LHX1: variants seen among roughly 807,000 people sequenced by gnomAD.
The protein encoded by LHX1 is LIM homeobox 1.
LHX1 carries 9 observed loss-of-function variants against 34.1 expected under a neutral mutation model. The ratio of observed to expected loss-of-function variants is 0.26; its 90% CI spans 0.16 to 0.46. The LOEUF (loss-of-function observed/expected upper bound fraction) is 0.46. Among genes scored for constraint, LHX1 ranks in the 20% least tolerant of loss-of-function variants. The probability of loss-of-function intolerance (pLI) is 1.00; values close to 1 mark genes in which losing one functional copy is unlikely to be tolerated. For synonymous variants in LHX1, 254 were observed against 241.5 expected, an observed-to-expected ratio of 1.05 and a Z score of -0.48; for missense variants, 446 against 559.1, an observed-to-expected ratio of 0.80 and a Z score of 2.04.
At position 36,937,891 on chromosome 17, in the gene LHX1, G is replaced by A. The variant is rs1051008417; in HGVS notation, c.-307G>A. On this transcript the variant is annotated 5_prime_UTR_variant, in exon 1 of 5. Transcript: ENST00000614239. ...ACTCCTCCGCGGGCTCTGAGCAGAA[G>A]GGTCGCATTCTCTCCCGCCTGAGAC... 17 of 602,788 alleles carry A rather than the reference G, an allele frequency of 2.8e-5. No homozygotes were observed. The highest frequency in any genetic ancestry group is 9.3e-5 in the Admixed American group (4 of 43,200). 37.3% of individuals were successfully genotyped at this position (602,788 alleles called of 1,614,324 possible). A position where few individuals can be genotyped will look rare whatever the true frequency, so the allele number is the denominator to read the frequency against.
intron 3 of LHX1, 122 bp downstream of exon 3, chr17:36,941,009 G>T: frequency 7.0e-7 from 1 of 1,438,826 alleles, no homozygotes; most frequent in Non-Finnish European, 9.5e-7. Flanking sequence ...GAGGTGGGGT[G>T]CCTAGACACA....
chr17:36,939,260 G>A (rs1409711899), intron 1 of LHX1, among the ~76,000 whole-genome samples: 1 of 152,212 alleles, frequency 6.6e-6, no homozygotes, highest in Admixed American at 6.5e-5. Flanking sequence ...AGTCAACAGA[G>A]AAGAACGGGC....
rs546566090 is a variant in LHX1 at position 36,942,807 on chromosome 17, C to T, written c.897C>T (p.Gly299=). The T allele has an allele frequency of 3.1e-5, 48 of 1,551,442 alleles. No homozygotes were observed. The Middle Eastern group carries it at 5.2e-4, about 17-fold the overall frequency. ...PGGNYDFFPQ[G]PPSSQAQTPV... is the part of the protein sequence containing the mutation. ...GCAACTACGACTTCTTCCCGCAAGG[C>T]CCCCCGTCCTCGCAGGCCCAGACAC... Residue 299 remains glycine, a synonymous_variant, in exon 5 of 5, where the codon GGC becomes GGT. Coordinates refer to ENST00000614239, the MANE Select transcript of LHX1 (RefSeq NM_005568.5).
intron 1 of LHX1, chr17:36,939,983 A>C: frequency 1.8e-6 from 1 of 548,758 alleles, no homozygotes; most frequent in Admixed American, 3.2e-5. Flanking sequence ...TTCCTCTGGG[A>C]TAACGCTGGG....
chr17:36,940,341 C>G lies in LHX1; in HGVS notation c.222C>G (p.Asp74Glu). The change falls in exon 2 of 5, where the codon GAC becomes GAG. Residue 74 changes from aspartate (D) to glutamate (E), a missense_variant. This residue lies in a region of LHX1 where 168 missense variants were observed against 226.6 expected (regional missense o/e 0.74). Coordinates refer to ENST00000614239, the MANE Select transcript of LHX1 (RefSeq NM_005568.5). ...GCGCTCAGGGCATCTCCCCTAGCGACCTGGTGCGGAGAGCGCGGAGCAAAG... is the reference window on the plus strand; with the variant it reads ...GCGCTCAGGGCATCTCCCCTAGCGAGCTGGTGCGGAGAGCGCGGAGCAAAG... ...AGCAQGISPS[D>E]LVRRARSKVF... 1 of 1,588,966 alleles carries G rather than the reference C, an allele frequency of 6.3e-7. No homozygotes were observed. The highest frequency in any genetic ancestry group is 8.6e-7 in the Non-Finnish European group (1 of 1,166,034).
upstream of LHX1, chr17:36,937,190 TG>T (rs1446093235): frequency 2.2e-6 from 1 of 453,136 alleles, no homozygotes; most frequent in East Asian, 7.2e-5. Context: ...GATGCGGGGC[TG>T]TGCGCCCAGG....
rs775423572 is a variant in LHX1, at chr17:36,943,097, A to AC, written c.1194dup (p.Glu399ArgfsTer65). The AC allele has an allele frequency of 5.6e-6, 9 of 1,605,492 alleles. No homozygotes were observed. The highest frequency in any genetic ancestry group is 2.2e-5 in the East Asian group (1 of 44,576). On this transcript the variant is annotated frameshift_variant, in exon 5 of 5. Coordinates refer to ENST00000614239, the MANE Select transcript of LHX1 (RefSeq NM_005568.5). LOFTEE classifies it high-confidence loss of function. ...GCGAGCTACGGAAACCACCTGTCCC[A>AC]CCCCCCCGAAATGAACGAGGCGGCC...
chr17:36,938,413 C>T (rs756187867), intron 1 of LHX1, 46 bp downstream of exon 1: 1 of 1,589,284 alleles, frequency 6.3e-7, no homozygotes, highest in South Asian at 1.1e-5. Context: ...CCCCGCGGGC[C>T]CTTCCCGGCC....
chr17:36,940,735 A>G lies in LHX1; in HGVS notation c.523A>G (p.Asn175Asp). The G allele has an allele frequency of 6.2e-7, 1 of 1,613,752 alleles. No homozygotes were observed. Among genetic ancestry groups the G allele is most frequent in the South Asian group, 1.1e-5 (1 of 91,086 alleles). ...EAGSNENDDQ[N>D]LGAKRRGPRT... is the part of the protein sequence containing the mutation. Reference sequence around the variant, plus strand: ...GGGTAGCAACGAGAATGACGACCAGAACCTGGGCGCCAAGCGGCGGGGACC... The same window carrying G: ...GGGTAGCAACGAGAATGACGACCAGGACCTGGGCGCCAAGCGGCGGGGACC... Residue 175 changes from asparagine to aspartate, a missense_variant, in exon 3 of 5, where the codon AAC (asparagine) becomes GAC (aspartate). Asn to Asp is a conservative substitution (Grantham distance 23). Around this residue, in one of 3 missense-constraint regions of LHX1, gnomAD observed 168 missense variants for 226.6 expected, o/e 0.74. Coordinates refer to ENST00000614239, the MANE Select transcript of LHX1 (RefSeq NM_005568.5).
At chr17:36,942,082 C>A in intron 3 of LHX1, 118 bp from the exon 4 acceptor site, 1 of 1,039,086 alleles carries the variant, frequency 9.6e-7, no homozygotes, top group Non-Finnish European at 1.4e-6. Flanking sequence ...CACACACACA[C>A]AAGCGCGCGC....
chr17:36,941,147 A>C (rs1440042001), intron 3 of LHX1: 1 of 710,934 alleles, frequency 1.4e-6, no homozygotes, highest in Non-Finnish European at 2.5e-6. Context: ...AGGCTGGAGG[A>C]GGAGAACTGT....
upstream of LHX1, chr17:36,937,333 G>C (rs1046858075): frequency 2.6e-6 from 1 of 383,176 alleles, no homozygotes; most frequent in South Asian, 1.8e-5. Flanking sequence ...GGCAGGCCAA[G>C]GGCCGAGGTG....
At chr17:36,942,666 C>T in intron 4 of LHX1, 86 bp from the exon 5 acceptor site, 4 of 1,358,438 alleles carry the variant, frequency 2.9e-6, no homozygotes, top group Admixed American at 3.0e-5. Context: ...TTCCTCAGCC[C>T]GCCGAGGTCG....
chr17:36,938,590 T>C (rs2070744802), intron 1 of LHX1: 1 of 633,434 alleles, frequency 1.6e-6, no homozygotes. Flanking sequence ...TTTGGCTGCA[T>C]GTGCCTGGGA....
intron 4 of LHX1, 70 bp downstream of exon 4, chr17:36,942,435 G>A: frequency 6.9e-7 from 1 of 1,458,124 alleles, no homozygotes; most frequent in Non-Finnish European, 9.3e-7. Flanking sequence ...GTGGCAGCGC[G>A]GGGGGGCACG....
At chr17:36,939,161 G>A (rs116327037) in intron 1 of LHX1, among the ~76,000 whole-genome samples, 1,627 of 152,294 alleles carry the variant, frequency 0.011, 27 homozygotes, top group African/African-American at 0.037. Context: ...CTGGTGGGGA[G>A]ACTTCTCCCT....
Position 36,939,995 on chromosome 17 carries a change from G to A in LHX1, c.171-295G>A, listed in dbSNP as rs965911507. ...TCTTTCCTCTGGGATAACGCTGGGA[G>A]TGAGGCTGGGGCTTGGCGGGTAGCT... is the stretch of plus-strand genomic sequence containing the variant. On this transcript the variant is annotated intron_variant, in intron 1 of 4. Coordinates refer to ENST00000614239, the MANE Select transcript of LHX1 (RefSeq NM_005568.5). 3.1e-5 allele frequency: 18 copies of A among 576,936 alleles called. No individual in the cohort carries two copies. The African/African-American group carries it at 3.4e-4, about 11-fold the overall frequency. 35.7% of individuals were successfully genotyped at this position (576,936 alleles called of 1,614,324 possible).
chr17:36,939,056 C>G (rs1156545038), intron 1 of LHX1, among the ~76,000 whole-genome samples: 1 of 152,224 alleles, frequency 6.6e-6, no homozygotes, highest in Non-Finnish European at 1.5e-5. Context: ...CTCCGACTCC[C>G]ACGGGCTCCG....
chr17:36,940,083 C>A (rs949894242), intron 1 of LHX1: 3 of 609,350 alleles, frequency 4.9e-6, no homozygotes, highest in Non-Finnish European at 8.8e-6. Flanking sequence ...CGCGCTCTCT[C>A]TCCTGCTGCC....
Sources: gnomAD v4.1 joint callset for allele counts (sites outside exome capture counted in the v4.1 genomes callset) on GRCh38, gnomAD v4.1.1 for gene constraint, gnomAD v4.1.1 regional missense constraint, MANE v1.5 for transcripts, NCBI Gene and HGNC (gene_info 2026-07-23, HGNC 2026-07-21) for gene names.